Variants in ATXN1 observed in about 807,000 individuals in gnomAD.
The protein encoded by ATXN1 is ataxin 1, also known as ataxin-1.
A neutral mutation model predicts 56.4 loss-of-function variants in ATXN1; 8 were observed. The observed-to-expected ratio is 0.14, with a 90% CI of 0.08 to 0.26. The LOEUF is 0.26. ATXN1 is among the 10% of genes least tolerant of loss of function. The pLI is 1.00. For synonymous variants in ATXN1, 514 were observed against 494.6 expected, an observed-to-expected ratio of 1.04 and a Z score of -0.52; for missense variants, 987 against 1,106.5, an observed-to-expected ratio of 0.89 and a Z score of 1.53.
At chr6:16,687,804 T>G (rs1581365783) in intron 2 of ATXN1, among the ~76,000 whole-genome samples, 2 of 152,130 alleles carry the variant, frequency 1.3e-5, no homozygotes, top group East Asian at 3.8e-4. Context: ...GCCTTTATCA[T>G]ACCTAACTTT....
chr6:16,334,081 T>G (rs2113425998), intron 6 of ATXN1, among the ~76,000 whole-genome samples: 1 of 152,282 alleles, frequency 6.6e-6, no homozygotes, highest in East Asian at 1.9e-4. Context: ...GTGAAGCAAA[T>G]GGTATGCCAG....
chr6:16,566,248 C>T (rs1297108128), intron 4 of ATXN1, among the ~76,000 whole-genome samples: 1 of 152,114 alleles, frequency 6.6e-6, no homozygotes, highest in Non-Finnish European at 1.5e-5. Context: ...CATGTTTTTG[C>T]ATCCAGATAT....
intron 2 of ATXN1, among the ~76,000 whole-genome samples, chr6:16,689,804 C>T (rs1363176121): frequency 6.6e-6 from 1 of 151,850 alleles, no homozygotes; most frequent in African/African-American, 2.4e-5. Flanking sequence ...ATTTATAATA[C>T]CTTATTATGA....
At position 16,410,026 on chromosome 6, in the gene ATXN1, G is replaced by C. The variant is rs60903636; in HGVS notation, c.-161+75946C>G. 1.3e-5 allele frequency among the ~76,000 whole-genome samples: 2 copies of C among 152,192 alleles called. No individual in the cohort carries two copies. Among genetic ancestry groups the C allele is most frequent in the African/African-American group, 4.8e-5 (2 of 41,436 alleles). On this transcript the variant is annotated intron_variant, in intron 6 of 7. Transcript: ENST00000436367. This position sits in a 1 kb window ranked among gnomAD's most constrained non-coding sequence, Gnocchi z 4.6. ...CCAGTGATGCTCTGAAGCTGGCAAA[G>C]ATGAGCATCAAATCACCAGACGTGC...
chr6:16,567,191 G>C (rs1173649960), intron 4 of ATXN1, among the ~76,000 whole-genome samples: 1 of 152,132 alleles, frequency 6.6e-6, no homozygotes, highest in Non-Finnish European at 1.5e-5. Context: ...GGACAATCTG[G>C]GGGGATATGA....
At chr6:16,513,563 A>C (rs886551244) in intron 5 of ATXN1, among the ~76,000 whole-genome samples, 1 of 152,184 alleles carries the variant, frequency 6.6e-6, no homozygotes, top group African/African-American at 2.4e-5. Context: ...TGCTATTTGC[A>C]AGGAATCTTA....
intron 4 of ATXN1, among the ~76,000 whole-genome samples, chr6:16,565,551 C>A (rs886124813): frequency 6.6e-6 from 1 of 151,980 alleles, no homozygotes; most frequent in Non-Finnish European, 1.5e-5. Context: ...TATTCATTTG[C>A]AAAAATAACA....
Position 16,328,602 on chromosome 6 carries a change from G to A in ATXN1, c.-160-132C>T, listed in dbSNP as rs538084237. ...AAGATTAAGACTAGGCCCTGGACTC[G>A]GTGTGAACTCCCATAACCCAATCAT... On this transcript the variant is annotated intron_variant, in intron 6 of 7. Transcript: ENST00000436367. This position sits in a 1 kb window ranked among gnomAD's most constrained non-coding sequence, Gnocchi z 6.2. The A allele has an allele frequency of 4.1e-5, 13 of 314,428 alleles. No individual in the cohort carries two copies. Among genetic ancestry groups the A allele is most frequent in the African/African-American group, 2.8e-4 (13 of 46,904 alleles). 19.5% of individuals were successfully genotyped at this position (314,428 alleles called of 1,614,324 possible).
intron 3 of ATXN1, among the ~76,000 whole-genome samples, chr6:16,619,955 C>T (rs76411875): frequency 3.3e-5 from 5 of 152,084 alleles, no homozygotes; most frequent in Non-Finnish European, 5.9e-5. Context: ...GTTGCTTATC[C>T]TCTCTGAGCC....
In ATXN1 at chr6:16,306,762, G is replaced by T; in HGVS notation, c.2015C>A (p.Pro672Gln). Residue 672 changes from proline (P) to glutamine (Q), a missense_variant, in exon 8 of 8, where the codon CCG becomes CAG. Pro to Gln is a moderately conservative substitution (Grantham distance 76). Coordinates refer to ENST00000436367, the MANE Select transcript of ATXN1 (RefSeq NM_001128164.2). This position sits in a 1 kb window ranked among gnomAD's most constrained non-coding sequence, Gnocchi z 5.2. ...PERTSQLFDL[P>Q]CSKLSVGDVC... ...ATCCCCAACTGAGAGTTTGGAACAC[G>T]GCAAATCAAAGAGCTGGCTGGTTCT... 6.2e-7 allele frequency: 1 copy of T among 1,614,104 alleles called. No homozygotes were observed. Among genetic ancestry groups the T allele is most frequent in the Non-Finnish European group, 8.5e-7 (1 of 1,179,978 alleles).
chr6:16,760,072 T>TCCGGCCCCCTTC lies in ATXN1; in HGVS notation c.-730+1214_-730+1225dup, dbSNP rs1314532002. On this transcript the variant is annotated intron_variant, in intron 1 of 7. Coordinates refer to ENST00000436367, the MANE Select transcript of ATXN1 (RefSeq NM_001128164.2). This position sits in a 1 kb window ranked among gnomAD's most constrained non-coding sequence, Gnocchi z 5.3. ...ACCGCCTCACCTCTCGCTCCGCCCG[T>TCCGGCCCCCTTC]CCGGCCCCCTTCCCTGCCCCCTGCG... Among the ~76,000 whole-genome samples, 3 of 151,464 alleles carry TCCGGCCCCCTTC rather than the reference T, an allele frequency of 2.0e-5. No homozygotes were observed. Among genetic ancestry groups the TCCGGCCCCCTTC allele is most frequent in the Non-Finnish European group, 4.4e-5 (3 of 67,828 alleles).
At chr6:16,360,010 C>T (rs571425591) in intron 6 of ATXN1, among the ~76,000 whole-genome samples, 12 of 152,114 alleles carry the variant, frequency 7.9e-5, no homozygotes, top group African/African-American at 2.9e-4. Flanking sequence ...TCAGAAATCA[C>T]CACCGAAGAA....
At chr6:16,751,003 C>T in intron 2 of ATXN1, among the ~76,000 whole-genome samples, 1 of 141,428 alleles carries the variant, frequency 7.1e-6, no homozygotes. Flanking sequence ...GAGTCTCACT[C>T]TGTCGCCCAG....
intron 4 of ATXN1, among the ~76,000 whole-genome samples, chr6:16,544,568 T>C (rs777498324): frequency 6.6e-6 from 1 of 152,174 alleles, no homozygotes; most frequent in Admixed American, 6.5e-5. Flanking sequence ...TGGGATGCTG[T>C]GGGGTGCTTG....
chr6:16,565,596 C>T (rs1229166900), intron 4 of ATXN1, among the ~76,000 whole-genome samples: 2 of 152,108 alleles, frequency 1.3e-5, no homozygotes, highest in African/African-American at 4.8e-5. Context: ...TCCACATGAA[C>T]CAGAAGGTCT....
At chr6:16,587,823 C>T (rs1170225157) in intron 3 of ATXN1, among the ~76,000 whole-genome samples, 1 of 151,420 alleles carries the variant, frequency 6.6e-6, no homozygotes, top group Non-Finnish European at 1.5e-5. Flanking sequence ...CCCAGTGACC[C>T]GGGAGGCTGA....
At chr6:16,435,734 G>A (rs1413747330) in intron 6 of ATXN1, among the ~76,000 whole-genome samples, 1 of 152,098 alleles carries the variant, frequency 6.6e-6, no homozygotes, top group African/African-American at 2.4e-5. Context: ...TAGCGGAGGC[G>A]GTAGAGCCGT....
intron 4 of ATXN1, among the ~76,000 whole-genome samples, chr6:16,551,155 C>T (rs963646265): frequency 6.6e-6 from 1 of 152,144 alleles, no homozygotes; most frequent in Admixed American, 6.5e-5. Flanking sequence ...TATTTTACTG[C>T]AGGAAGAAGC....
intron 3 of ATXN1, among the ~76,000 whole-genome samples, chr6:16,631,185 CT>C (rs1763497385): frequency 6.6e-6 from 1 of 152,192 alleles, no homozygotes; most frequent in African/African-American, 2.4e-5. Flanking sequence ...TTCCCAGGGT[CT>C]TAAAGACGAT....
Sources: allele counts gnomAD v4.1 joint callset (sites outside exome capture counted in the v4.1 genomes callset), GRCh38; gene constraint gnomAD v4.1.1; non-coding constraint Gnocchi (gnomAD v3.1); transcripts MANE v1.5; gene names NCBI Gene and HGNC (gene_info 2026-07-23, HGNC 2026-07-21).